Variants in PREX2 observed in about 807,000 individuals in gnomAD.
The protein encoded by PREX2 is phosphatidylinositol-3,4,5-trisphosphate dependent Rac exchange factor 2.
In PREX2, 107 loss-of-function variants were observed where a neutral mutation model predicts 203.2. The observed-to-expected ratio is 0.53, with a 90% CI of 0.45 to 0.62. The LOEUF is 0.62. Among genes scored for constraint, PREX2 ranks in the 20% least tolerant of loss-of-function variants. The pLI is 0.00. For missense variants in PREX2, 1,777 were observed against 1,955.9 expected (o/e 0.91, Z 1.72); for synonymous variants, 672 against 663.6 (o/e 1.01, Z -0.19).
intron 33 of PREX2, among the ~76,000 whole-genome samples, chr8:68,140,659 A>G (rs909956793): frequency 6.6e-6 from 1 of 151,856 alleles, no homozygotes; most frequent in African/African-American, 2.4e-5. Context: ...CAAGAAATCC[A>G]GGTCCGAATC....
At chr8:68,156,725 G>C (rs1811550063) in intron 34 of PREX2, among the ~76,000 whole-genome samples, 1 of 152,146 alleles carries the variant, frequency 6.6e-6, no homozygotes, top group Admixed American at 6.6e-5. Flanking sequence ...GAAGGGTCTA[G>C]GGAAGGCCCA....
chr8:68,107,141 A>T (rs143141614), intron 23 of PREX2, among the ~76,000 whole-genome samples: 1 of 152,272 alleles, frequency 6.6e-6, no homozygotes, highest in African/African-American at 2.4e-5. Context: ...TAGTCAGGGA[A>T]ATTGAACCTA....
At chr8:68,135,075 C>T (rs972778674) in intron 32 of PREX2, among the ~76,000 whole-genome samples, 1 of 133,976 alleles carries the variant, frequency 7.5e-6, no homozygotes, top group Non-Finnish European at 1.6e-5. Flanking sequence ...TACCAAGTAA[C>T]ATGTTTGAGC....
In PREX2 at chr8:68,236,870, T is replaced by A. The variant is rs916102989; in HGVS notation, c.*5492T>A. Reference sequence around the variant, plus strand: ...TCATCTTTTTTTCCTTTGTAAAATATCCATGTAACATAGCTTCCATTACTC... The same window carrying A: ...TCATCTTTTTTTCCTTTGTAAAATAACCATGTAACATAGCTTCCATTACTC... On this transcript the variant is annotated 3_prime_UTR_variant, in exon 40 of 40. Coordinates refer to ENST00000288368, the MANE Select transcript of PREX2 (RefSeq NM_024870.4). 3.3e-5 allele frequency: 5 copies of A among 152,232 alleles called. No homozygotes were observed. In the East Asian group the frequency reaches 9.6e-4, roughly 29 times the overall value. 9.4% of individuals were successfully genotyped at this position (152,232 alleles called of 1,614,324 possible).
At chr8:67,983,459 C>T (rs903809452) in intron 1 of PREX2, among the ~76,000 whole-genome samples, 2 of 152,198 alleles carry the variant, frequency 1.3e-5, no homozygotes, top group African/African-American at 2.4e-5. Context: ...AGAATAGCCT[C>T]CTAATTGAGG....
chr8:68,139,363 G>A (rs576591406), intron 33 of PREX2, among the ~76,000 whole-genome samples: 41 of 152,232 alleles, frequency 2.7e-4, no homozygotes, highest in African/African-American at 8.4e-4. Flanking sequence ...CTGAGGCTGG[G>A]AGCAGACATG....
intron 34 of PREX2, among the ~76,000 whole-genome samples, chr8:68,155,497 A>G (rs964853207): frequency 5.3e-5 from 8 of 152,210 alleles, no homozygotes; most frequent in Non-Finnish European, 1.0e-4. Context: ...ACTATAGCAC[A>G]GCTAAAATGA....
intron 23 of PREX2, among the ~76,000 whole-genome samples, chr8:68,104,625 A>G (rs1157817234): frequency 2.0e-5 from 3 of 152,094 alleles, no homozygotes. Context: ...ACACTGCTCA[A>G]TTTTGTTTTC....
chr8:67,999,956 G>A (rs1159173138), intron 1 of PREX2, among the ~76,000 whole-genome samples: 1 of 152,174 alleles, frequency 6.6e-6, no homozygotes, highest in Admixed American at 6.5e-5. Context: ...AAGTATTGAA[G>A]GAACATGCCT....
intron 1 of PREX2, among the ~76,000 whole-genome samples, chr8:67,968,084 A>AG (rs397974869): frequency 6.7e-6 from 1 of 150,256 alleles, no homozygotes; most frequent in Non-Finnish European, 1.5e-5. Context: ...AAAAAAAAAA[A>AG]GAGTACCTTG....
chr8:68,038,883 C>T (rs754172227), intron 7 of PREX2, among the ~76,000 whole-genome samples: 4 of 152,144 alleles, frequency 2.6e-5, no homozygotes, highest in South Asian at 2.1e-4. Context: ...CCCACTTTCT[C>T]TTCACCTGCA....
At chr8:67,973,467 C>G (rs762813358) in intron 1 of PREX2, among the ~76,000 whole-genome samples, 2 of 152,116 alleles carry the variant, frequency 1.3e-5, no homozygotes, top group Non-Finnish European at 2.9e-5. Context: ...TATGTATGCT[C>G]TTCTTTCTTC....
At chr8:68,187,379 C>T (rs893526201) in intron 35 of PREX2, among the ~76,000 whole-genome samples, 2 of 152,140 alleles carry the variant, frequency 1.3e-5, no homozygotes, top group Admixed American at 6.5e-5. Flanking sequence ...AGCAGGAAGG[C>T]TTTGGCCTTA....
chr8:68,146,107 T>C (rs982134791), intron 33 of PREX2, 102 bp from the exon 34 acceptor site: 2 of 725,736 alleles, frequency 2.8e-6, no homozygotes, highest in Non-Finnish European at 4.5e-6. Context: ...GTTTAATATA[T>C]TGGTGTCGAG....
At chr8:68,153,037 A>G (rs1811472639) in intron 34 of PREX2, among the ~76,000 whole-genome samples, 3 of 152,164 alleles carry the variant, frequency 2.0e-5, no homozygotes, top group Admixed American at 2.0e-4. Flanking sequence ...ACTTGTCATA[A>G]ATGACTCCAT....
chr8:68,203,801 C>A (rs1438913141), intron 37 of PREX2, among the ~76,000 whole-genome samples: 2 of 152,164 alleles, frequency 1.3e-5, no homozygotes, highest in Non-Finnish European at 2.9e-5. Context: ...GCACAAAGTT[C>A]TGTTCAGTGT....
chr8:68,079,357 G>A (rs1276007131), intron 15 of PREX2, among the ~76,000 whole-genome samples: 1 of 152,140 alleles, frequency 6.6e-6, no homozygotes, highest in African/African-American at 2.4e-5. Context: ...AAACCAAATA[G>A]CTATCCCTTT....
chr8:68,114,281 A>G, intron 25 of PREX2: 1 of 506,792 alleles, frequency 2.0e-6, no homozygotes, highest in South Asian at 1.4e-5. Flanking sequence ...TGGGTTTGAC[A>G]TTATGGAATA....
At chr8:68,063,068 G>A (rs947209994) in intron 11 of PREX2, among the ~76,000 whole-genome samples, 6 of 151,842 alleles carry the variant, frequency 4.0e-5, no homozygotes, top group Middle Eastern at 3.4e-3. Flanking sequence ...AGCATTATAC[G>A]GCTGCTTTTA....
Sources: gnomAD v4.1 joint callset for allele counts (sites outside exome capture counted in the v4.1 genomes callset) on GRCh38, gnomAD v4.1.1 for gene constraint, MANE v1.5 for transcripts, NCBI Gene and HGNC (gene_info 2026-07-23, HGNC 2026-07-21) for gene names.